CUBN: variants seen among roughly 807,000 people sequenced by gnomAD.
CUBN encodes cubilin.
CUBN carries 282 observed loss-of-function variants against 405.3 expected under a neutral mutation model. The ratio of observed to expected loss-of-function variants is 0.70; its 90% CI spans 0.63 to 0.77. The LOEUF (loss-of-function observed/expected upper bound fraction) is 0.77. CUBN is among the 30% of genes least tolerant of loss of function. The pLI is 0.00. For synonymous variants in CUBN, 1,684 were observed against 1,617.0 expected, an observed-to-expected ratio of 1.04 and a Z score of -0.99; for missense variants, 4,514 against 4,475.2, an observed-to-expected ratio of 1.01 and a Z score of -0.25.
chr10:17,116,218 G>A (rs768573305), intron 6 of CUBN, among the ~76,000 whole-genome samples: 1 of 152,238 alleles, frequency 6.6e-6, no homozygotes, highest in Non-Finnish European at 1.5e-5. Context: ...CTATGCGTAA[G>A]CTAGCAGTGG....
intron 17 of CUBN, among the ~76,000 whole-genome samples, chr10:17,075,073 CTTTTTTTT>C (rs957929670): frequency 6.4e-4 from 42 of 65,318 alleles, no homozygotes; most frequent in East Asian, 1.8e-3. Context: ...TCTTTGTTTT[CTTTTTTTT>C]TTTTTTTTTT....
At chr10:16,990,607 TA>T (rs1833558090) in intron 28 of CUBN, 92 bp from the exon 29 acceptor site, 1 of 1,020,096 alleles carries the variant, frequency 9.8e-7, no homozygotes, top group Non-Finnish European at 1.5e-6. Context: ...CCATCAAAAA[TA>T]TACAATGCTT....
At chr10:17,070,924 G>A (rs889715741) in intron 19 of CUBN, among the ~76,000 whole-genome samples, 2 of 152,068 alleles carry the variant, frequency 1.3e-5, no homozygotes, top group African/African-American at 4.8e-5. Context: ...GAGAACAGAC[G>A]TTCTTGTCTT....
rs1266050565 is a variant in CUBN at position 17,104,537 on chromosome 10, G to A, written c.1299C>T (p.Ile433=). 6.2e-7 allele frequency: 1 copy of A among 1,613,736 alleles called. No homozygotes were observed. The highest frequency in any genetic ancestry group is 1.1e-5 in the South Asian group (1 of 91,066). Residue 433 remains isoleucine, a synonymous_variant, in exon 12 of 67, where the codon ATC becomes ATT. Coordinates refer to ENST00000377833, the MANE Select transcript of CUBN (RefSeq NM_001081.4). ...AACAGGGGTTGCTCAAACACTCATTGATGTTTTCTGTACAGTTGACACCTG... is the reference window on the plus strand; with the variant it reads ...AACAGGGGTTGCTCAAACACTCATTAATGTTTTCTGTACAGTTGACACCTG... The part of the protein sequence containing the change: ...GWTGVNCTEN[I]NECLSNPCLN...
At chr10:16,901,255 A>C (rs1841355321) in intron 52 of CUBN, 83 bp downstream of exon 52, 1 of 1,589,508 alleles carries the variant, frequency 6.3e-7, no homozygotes, top group African/African-American at 1.3e-5. Flanking sequence ...CACTTGCTTA[A>C]TAAAAGAGCT....
chr10:17,122,088 C>T (rs1837055992), intron 6 of CUBN: 1 of 152,400 alleles, frequency 6.6e-6, no homozygotes, highest in South Asian at 2.1e-4. Flanking sequence ...AAAGCTTTGA[C>T]GATGGATATC....
At chr10:16,838,523 AATG>A (rs1209313990) in intron 62 of CUBN, among the ~76,000 whole-genome samples, 5 of 152,200 alleles carry the variant, frequency 3.3e-5, no homozygotes, top group African/African-American at 1.2e-4. Flanking sequence ...CTATCATGAT[AATG>A]ATGATGCACA....
At chr10:16,891,580 A>G (rs1189136756) in intron 54 of CUBN, among the ~76,000 whole-genome samples, 3 of 152,188 alleles carry the variant, frequency 2.0e-5, no homozygotes, top group Non-Finnish European at 4.4e-5. Flanking sequence ...TTCGGAAAAT[A>G]GGAGTCAGAA....
At chr10:17,103,725 G>A (rs1303731388) in intron 12 of CUBN, among the ~76,000 whole-genome samples, 1 of 152,242 alleles carries the variant, frequency 6.6e-6, no homozygotes, top group African/African-American at 2.4e-5. Flanking sequence ...AGGAGTTTAA[G>A]TGAGGGGCAG....
intron 27 of CUBN, among the ~76,000 whole-genome samples, chr10:17,029,967 T>C (rs12780809): frequency 0.23 from 35,374 of 152,130 alleles, 4,561 homozygotes; most frequent in Middle Eastern, 0.35. Flanking sequence ...CAAAATGCTA[T>C]AGAGCAAGAG....
intron 40 of CUBN, among the ~76,000 whole-genome samples, chr10:16,928,715 A>T (rs143046403): frequency 6.6e-6 from 1 of 151,868 alleles, no homozygotes; most frequent in South Asian, 2.1e-4. Context: ...TTTTTAGTAG[A>T]GGCAGGGGTT....
chr10:16,840,568 A>G, intron 61 of CUBN, 33 bp from the exon 62 acceptor site: 3 of 1,496,112 alleles, frequency 2.0e-6, no homozygotes, highest in Non-Finnish European at 2.7e-6. Flanking sequence ...CACAGGAGAC[A>G]TTTTATTCAT....
At chr10:17,088,420 C>T (rs1011818091) in intron 14 of CUBN, 75 bp from the exon 15 acceptor site, 68 of 1,244,284 alleles carry the variant, frequency 5.5e-5, no homozygotes, top group Non-Finnish European at 7.0e-5. Context: ...GAGCCCTTGG[C>T]GTAAGAAGCC....
At chr10:16,896,873 T>A (rs1841199067) in intron 54 of CUBN, among the ~76,000 whole-genome samples, 1 of 152,222 alleles carries the variant, frequency 6.6e-6, no homozygotes, top group South Asian at 2.1e-4. Context: ...CTCTTTATTG[T>A]GCAGACTGGG....
intron 57 of CUBN, among the ~76,000 whole-genome samples, chr10:16,874,964 G>T (rs1377813257): frequency 2.0e-5 from 3 of 152,064 alleles, no homozygotes; most frequent in Non-Finnish European, 2.9e-5. Flanking sequence ...CTCCTGTCAG[G>T]GATAGAATAT....
chr10:16,836,298 C>T lies in CUBN; in HGVS notation c.10117G>A (p.Val3373Ile), dbSNP rs957435346. Residue 3373 changes from valine (V) to isoleucine (I), a missense_variant, in exon 63 of 67, where the codon GTC becomes ATC. By Grantham distance (29) the Val-to-Ile change is conservative. Around this residue, in one of 5 missense-constraint regions of CUBN, gnomAD observed 1,186 missense variants for 1,186.9 expected, o/e 1.00. Coordinates refer to ENST00000377833, the MANE Select transcript of CUBN (RefSeq NM_001081.4). Reference sequence around the variant, plus strand: ...TTTACAACTCCAGATTTGAAAATGACCATTGCAGTACTCATAGAAGAATAA... The same window carrying T: ...TTTACAACTCCAGATTTGAAAATGATCATTGCAGTACTCATAGAAGAATAA... ...VFYSSMSTAM[V>I]IFKSGVVNRN... 1 of 1,613,542 alleles carries T rather than the reference C, an allele frequency of 6.2e-7. No homozygotes were observed. The highest frequency in any genetic ancestry group is 8.5e-7 in the Non-Finnish European group (1 of 1,179,462).
intron 9 of CUBN, among the ~76,000 whole-genome samples, chr10:17,110,081 T>C (rs560566522): frequency 1.3e-5 from 2 of 152,230 alleles, no homozygotes; most frequent in African/African-American, 4.8e-5. Flanking sequence ...AAGCCCAAAG[T>C]ACTGTAGTTC....
Position 17,045,972 on chromosome 10 carries a change from C to T in CUBN, c.3452G>A (p.Arg1151Lys). The T allele has an allele frequency of 6.2e-7, 1 of 1,613,924 alleles. No homozygotes were observed. Among genetic ancestry groups the T allele is most frequent in the Non-Finnish European group, 8.5e-7 (1 of 1,179,946 alleles). The change falls in exon 24 of 67, where the codon AGG (arginine) becomes AAG (lysine). Residue 1151 changes from arginine to lysine, a missense_variant. Around this residue, in one of 5 missense-constraint regions of CUBN, gnomAD observed 242 missense variants for 309.0 expected, o/e 0.78. Transcript: ENST00000377833. ...ATCCCAGTAAGCTGAGAATCCAGAC[C>T]TTGTGTCTATTTGGTCACTCTTAAA... ...LKFKSDQIDT[R>K]SGFSAYWDGS...
chr10:17,037,907 G>A (rs1834933251), intron 27 of CUBN, among the ~76,000 whole-genome samples: 2 of 149,908 alleles, frequency 1.3e-5, no homozygotes, highest in Non-Finnish European at 3.0e-5. Flanking sequence ...AACCTCTCTC[G>A]ACTGCTCTTC....
Sources: allele counts gnomAD v4.1 joint callset (sites outside exome capture counted in the v4.1 genomes callset), GRCh38; gene constraint gnomAD v4.1.1; regional missense constraint gnomAD v4.1.1; transcripts MANE v1.5; gene names NCBI Gene and HGNC (gene_info 2026-07-23, HGNC 2026-07-21).